Variants in DLGAP1 observed in about 807,000 individuals in gnomAD.
DLGAP1 encodes the protein disks large-associated protein 1.
In DLGAP1, 11 loss-of-function variants were observed where a neutral mutation model predicts 90.8. The observed-to-expected ratio is 0.12, with a 90% CI of 0.08 to 0.20. DLGAP1 has a LOEUF of 0.20. DLGAP1 is among the 10% of genes least tolerant of loss of function. DLGAP1 has a pLI of 1.00. For synonymous variants in DLGAP1, 558 were observed against 540.7 expected, an observed-to-expected ratio of 1.03 and a Z score of -0.44; for missense variants, 1,050 against 1,333.8, an observed-to-expected ratio of 0.79 and a Z score of 3.31.
At chr18:4,269,370 T>C (rs575661123) in intron 1 of DLGAP1, among the ~76,000 whole-genome samples, 7 of 143,780 alleles carry the variant, frequency 4.9e-5, no homozygotes, top group South Asian at 4.4e-4. Flanking sequence ...TTTTTTCTTT[T>C]TGAGACGGAG....
In DLGAP1 at chr18:3,718,705, C is replaced by T. The variant is rs530212961; in HGVS notation, c.1591+10430G>A. Among the ~76,000 whole-genome samples the T allele has an allele frequency of 4.0e-5, 6 of 149,024 alleles. No homozygotes were observed. The East Asian group carries it at 1.0e-3, about 25-fold the overall frequency. Reference sequence around the variant, plus strand: ...CTTTGGGGGGTCGAGGCGGGTGGATCGCCTGAGGTCAGGAGTTCGAGACCA... The same window carrying T: ...CTTTGGGGGGTCGAGGCGGGTGGATTGCCTGAGGTCAGGAGTTCGAGACCA... On this transcript the variant is annotated intron_variant, in intron 7 of 12. Transcript: ENST00000315677.
intron 9 of DLGAP1, among the ~76,000 whole-genome samples, chr18:3,551,754 T>A (rs867600725): frequency 1.1e-5 from 1 of 91,458 alleles, no homozygotes; most frequent in African/African-American, 4.3e-5. Context: ...CTTCCTTCCT[T>A]CCTTCCTTCC....
In DLGAP1 at chr18:3,574,387, C is replaced by T. The variant is rs140609007; in HGVS notation, c.1966-6806G>A. On this transcript the variant is annotated intron_variant, in intron 8 of 12. Coordinates refer to ENST00000315677, the MANE Select transcript of DLGAP1 (RefSeq NM_004746.4). ...TGTTAGGTCATAACTATGGCCACAG[C>T]CCATAGTGGTGATTTATAGGATTCC... 2.0e-3 allele frequency among the ~76,000 whole-genome samples: 300 copies of T among 152,260 alleles called. 3 individuals carry two copies. The highest frequency in any genetic ancestry group is 0.01 in the Middle Eastern group (3 of 294).
intron 9 of DLGAP1, among the ~76,000 whole-genome samples, chr18:3,535,911 T>C (rs562694332): frequency 1.3e-5 from 2 of 151,950 alleles, no homozygotes; most frequent in South Asian, 2.1e-4. Context: ...GGCACATGCC[T>C]GTAATCCCAG....
chr18:3,741,185 C>T (rs1460164940), intron 6 of DLGAP1, among the ~76,000 whole-genome samples: 8 of 80,958 alleles, frequency 9.9e-5, no homozygotes, highest in Middle Eastern at 0.012. Context: ...ACCACCACCA[C>T]CACCACCACC....
At position 4,274,708 on chromosome 18, in the gene DLGAP1, A is replaced by G. The variant is rs537088477; in HGVS notation, c.-266-123421T>C. On this transcript the variant is annotated intron_variant, in intron 1 of 12. Coordinates refer to ENST00000315677, the MANE Select transcript of DLGAP1 (RefSeq NM_004746.4). ...TAATAGCATCATAATTCTGACAGCT[A>G]TAATTGAGAAAACCACAACAATTGA... is the stretch of plus-strand genomic sequence containing the variant. Among the ~76,000 whole-genome samples the G allele has an allele frequency of 2.0e-5, 3 of 152,332 alleles. No individual in the cohort carries two copies. In the East Asian group the frequency reaches 5.8e-4, roughly 29 times the overall value.
chr18:4,248,593 G>C (rs914852083), intron 1 of DLGAP1: 3 of 152,208 alleles, frequency 2.0e-5, no homozygotes, highest in Admixed American at 6.5e-5. Context: ...AAGCGAGCTA[G>C]AAATATCGAT....
At chr18:4,015,477 G>A (rs2074506376) in intron 2 of DLGAP1, among the ~76,000 whole-genome samples, 1 of 152,174 alleles carries the variant, frequency 6.6e-6, no homozygotes, top group Admixed American at 6.5e-5. Context: ...AGCAAGCTGT[G>A]TGTGTTGACC....
rs201961017 is a variant in DLGAP1, at chr18:3,569,735, C to A, written c.1966-2154G>T. The stretch of plus-strand genomic sequence containing the variant: ...CTTGGGTTATGAATGGATCTGGCTC[C>A]GTTTATTAACTAATTCGCCTTTTTT... On this transcript the variant is annotated intron_variant, in intron 8 of 12. Coordinates refer to ENST00000315677, the MANE Select transcript of DLGAP1 (RefSeq NM_004746.4). 5.3e-5 allele frequency among the ~76,000 whole-genome samples: 8 copies of A among 152,040 alleles called. 2 individuals are homozygous for A. In the East Asian group the frequency reaches 1.6e-3, roughly 30 times the overall value.
intron 2 of DLGAP1, among the ~76,000 whole-genome samples, chr18:4,117,256 T>C (rs2076077395): frequency 6.6e-6 from 1 of 152,354 alleles, no homozygotes; most frequent in Non-Finnish European, 1.5e-5. Flanking sequence ...TAAATTTCTA[T>C]TGTTTAAGCC....
intron 11 of DLGAP1, among the ~76,000 whole-genome samples, chr18:3,508,212 T>C (rs2050351735): frequency 6.6e-6 from 1 of 152,024 alleles, no homozygotes. Flanking sequence ...TCCAAAATGA[T>C]TTTTTTTGGG....
At position 3,879,232 on chromosome 18, in the gene DLGAP1, C is replaced by G; in HGVS notation, c.837G>C (p.Trp279Cys). Residue 279 changes from tryptophan to cysteine, a missense_variant, in exon 4 of 13, where the codon TGG (tryptophan) becomes TGC (cysteine). By Grantham distance (215) the Trp-to-Cys change is radical. Coordinates refer to ENST00000315677, the MANE Select transcript of DLGAP1 (RefSeq NM_004746.4). This position sits in a 1 kb window ranked among gnomAD's most constrained non-coding sequence, Gnocchi z 6.6. Reference sequence around the variant, plus strand: ...CCCGGCTCACGGTGAGCGTGGAGGACCAGGCGCTCTTCTTCAGCAGCGGGG... The same window carrying G: ...CCCGGCTCACGGTGAGCGTGGAGGAGCAGGCGCTCTTCTTCAGCAGCGGGG... ...LDTPLLKKSA[W>C]SSTLTVSRAR... 1.3e-5 allele frequency: 21 copies of G among 1,593,972 alleles called. No homozygotes were observed. Among genetic ancestry groups the G allele is most frequent in the Non-Finnish European group, 1.7e-5 (20 of 1,169,942 alleles).
At position 3,711,780 on chromosome 18, in the gene DLGAP1, T is replaced by G. The variant is rs9961080; in HGVS notation, c.1591+17355A>C. Reference sequence around the variant, plus strand: ...CTTGAGCCCGGGAGATCAAGGCTGTTGTGAGCCATGATCATGCCACTGCAC... The same window carrying G: ...CTTGAGCCCGGGAGATCAAGGCTGTGGTGAGCCATGATCATGCCACTGCAC... On this transcript the variant is annotated intron_variant, in intron 7 of 12. Transcript: ENST00000315677. The surrounding 1 kb of genome is among the most constrained non-coding windows in gnomAD (Gnocchi z 4.0). 1.5e-3 allele frequency among the ~76,000 whole-genome samples: 235 copies of G among 152,112 alleles called. No individual in the cohort carries two copies. Among genetic ancestry groups the G allele is most frequent in the Non-Finnish European group, 2.7e-3 (182 of 67,970 alleles).
intron 7 of DLGAP1, among the ~76,000 whole-genome samples, chr18:3,651,972 CACAACA>C (rs916829706): frequency 1.4e-5 from 2 of 147,514 alleles, no homozygotes; most frequent in African/African-American, 2.5e-5. Flanking sequence ...CTGTCTCAAA[CACAACA>C]ACAACAACAA....
chr18:4,233,024 G>T (rs2078332788), intron 1 of DLGAP1, among the ~76,000 whole-genome samples: 1 of 152,252 alleles, frequency 6.6e-6, no homozygotes, highest in African/African-American at 2.4e-5. Flanking sequence ...GAATTTGTTA[G>T]TTTTAAAATG....
chr18:3,529,774 G>A (rs542723844), intron 10 of DLGAP1, among the ~76,000 whole-genome samples: 1 of 152,148 alleles, frequency 6.6e-6, no homozygotes, highest in East Asian at 1.9e-4. Context: ...AACAAATTAG[G>A]CCTGGAACAA....
At chr18:4,111,363 CAG>C (rs376470986) in intron 2 of DLGAP1, among the ~76,000 whole-genome samples, 12 of 151,970 alleles carry the variant, frequency 7.9e-5, no homozygotes, top group Middle Eastern at 3.2e-3. Context: ...TATTAGTCTG[CAG>C]AGTTTTGTTG....
At chr18:3,805,465 T>C (rs1008602229) in intron 5 of DLGAP1, among the ~76,000 whole-genome samples, 2 of 152,258 alleles carry the variant, frequency 1.3e-5, no homozygotes, top group African/African-American at 2.4e-5. Context: ...AATTGGTCCA[T>C]TGCAATCACT....
intron 8 of DLGAP1, chr18:3,580,594 T>C: frequency 1.9e-6 from 3 of 1,586,842 alleles, no homozygotes. Flanking sequence ...CCATGGAGAC[T>C]AGAGAGAATG....
Sources: allele counts gnomAD v4.1 joint callset (sites outside exome capture counted in the v4.1 genomes callset), GRCh38; gene constraint gnomAD v4.1.1; non-coding constraint Gnocchi (gnomAD v3.1); transcripts MANE v1.5; gene names NCBI Gene and HGNC (gene_info 2026-07-23, HGNC 2026-07-21).